RGS21: variants seen among roughly 807,000 people sequenced by gnomAD.
The protein encoded by RGS21 is regulator of G protein signaling 21, also known as regulator of G-protein signalling 21.
RGS21 carries 19 observed loss-of-function variants against 18.7 expected under a neutral mutation model. The observed-to-expected ratio is 1.01, with a 90% CI of 0.71 to 1.49. The LOEUF is 1.49. Ranked by LOEUF, RGS21 falls within the 40% of genes most tolerant of loss-of-function variation. The pLI is 0.00. For missense variants in RGS21, 194 were observed against 176.8 expected, an observed-to-expected ratio of 1.10 and a Z score of -0.55; for synonymous variants, 56 against 57.8, an observed-to-expected ratio of 0.97 and a Z score of 0.14.
intron 4 of RGS21, among the ~76,000 whole-genome samples, chr1:192,354,741 T>C (rs207460901): frequency 2.0e-5 from 3 of 151,452 alleles, no homozygotes; most frequent in Non-Finnish European, 4.4e-5. Context: ...ACCAGTTTCC[T>C]TGGTAAAATA....
chr1:192,357,028 C>T (rs1342810133), intron 4 of RGS21, among the ~76,000 whole-genome samples: 1 of 151,746 alleles, frequency 6.6e-6, no homozygotes, highest in African/African-American at 2.4e-5. Context: ...GGTAGAAAGA[C>T]ACCAGATAAA....
At chr1:192,344,150 A>G (rs1220023300) in intron 2 of RGS21, among the ~76,000 whole-genome samples, 1 of 152,008 alleles carries the variant, frequency 6.6e-6, no homozygotes, top group African/African-American at 2.4e-5. Flanking sequence ...GTAAGCTTTC[A>G]GTTGAGCAGC....
At chr1:192,364,804 A>T (rs1571465948) in intron 4 of RGS21, among the ~76,000 whole-genome samples, 1 of 152,030 alleles carries the variant, frequency 6.6e-6, no homozygotes, top group South Asian at 2.1e-4. Context: ...CAGATACAGA[A>T]CCCGCCTATG....
At chr1:192,341,904 T>C (rs781217328) in intron 1 of RGS21, among the ~76,000 whole-genome samples, 5 of 152,036 alleles carry the variant, frequency 3.3e-5, no homozygotes, top group Non-Finnish European at 7.4e-5. Flanking sequence ...ATATGTTTAA[T>C]GATTCAGTTT....
At chr1:192,333,261 T>C (rs1227946538) in intron 1 of RGS21, among the ~76,000 whole-genome samples, 2 of 122,508 alleles carry the variant, frequency 1.6e-5, no homozygotes, top group African/African-American at 3.6e-5. Flanking sequence ...ATTTGGCAGT[T>C]TCTTAAATAC....
chr1:192,332,061 G>T (rs1658665475), intron 1 of RGS21, among the ~76,000 whole-genome samples: 2 of 152,126 alleles, frequency 1.3e-5, no homozygotes, highest in East Asian at 3.9e-4. Context: ...TAAAATTCAG[G>T]ATGTTCATAA....
At chr1:192,339,213 G>A (rs61822892) in intron 1 of RGS21, among the ~76,000 whole-genome samples, 5 of 143,710 alleles carry the variant, frequency 3.5e-5, no homozygotes, top group Middle Eastern at 3.5e-3. Flanking sequence ...CAATCAAATC[G>A]GCATTTTTTT....
intron 4 of RGS21, among the ~76,000 whole-genome samples, chr1:192,355,884 A>G (rs1446969582): frequency 6.6e-6 from 1 of 151,492 alleles, no homozygotes; most frequent in Non-Finnish European, 1.5e-5. Flanking sequence ...AAAATATGTC[A>G]TTAAAGAGAA....
intron 1 of RGS21, among the ~76,000 whole-genome samples, chr1:192,330,738 G>T (rs749311302): frequency 6.6e-6 from 1 of 152,186 alleles, no homozygotes; most frequent in Non-Finnish European, 1.5e-5. Flanking sequence ...AGATAAATGT[G>T]AGCGATATCT....
rs1658995578 is a variant in RGS21, at chr1:192,348,989, G to A, written c.88+1600G>A. Reference sequence around the variant, plus strand: ...ATAATTAGAAAGTATAAACATCAAAGGATCCACGTAACTTCCAGAATCCAC... The same window carrying A: ...ATAATTAGAAAGTATAAACATCAAAAGATCCACGTAACTTCCAGAATCCAC... On this transcript the variant is annotated intron_variant, in intron 3 of 4. Coordinates refer to ENST00000417209, the MANE Select transcript of RGS21 (RefSeq NM_001039152.3). 1.3e-5 allele frequency among the ~76,000 whole-genome samples: 2 copies of A among 151,802 alleles called. 1 individual carries two copies. The highest frequency in any genetic ancestry group is 4.8e-5 in the African/African-American group (2 of 41,284).
chr1:192,352,005 C>A, intron 3 of RGS21, 42 bp from the exon 4 acceptor site: 1 of 1,242,854 alleles, frequency 8.0e-7, no homozygotes, highest in South Asian at 1.5e-5. Context: ...TATTACTACT[C>A]TGTATGCTAT....
chr1:192,356,986 A>T (rs150394675), intron 4 of RGS21, among the ~76,000 whole-genome samples: 3 of 151,820 alleles, frequency 2.0e-5, no homozygotes, highest in African/African-American at 7.2e-5. Flanking sequence ...AAAGACAGTC[A>T]TGGTCCCTGA....
rs758240441 is a variant in RGS21, at chr1:192,366,146, C to T, written c.*22C>T. On this transcript the variant is annotated 3_prime_UTR_variant, in exon 5 of 5. Coordinates refer to ENST00000417209, the MANE Select transcript of RGS21 (RefSeq NM_001039152.3). ...GTGAGGAAGGTAAAAGTTAACTAAT[C>T]ACTATACTTCAGGGCTACAATATTT... 1.6e-5 allele frequency: 13 copies of T among 828,870 alleles called. No homozygotes were observed. Among genetic ancestry groups the T allele is most frequent in the Non-Finnish European group, 2.3e-5 (12 of 527,886 alleles). The allele number at this position is 828,870 out of a possible 1,614,324, so 51.3% of individuals were successfully genotyped here.
chr1:192,339,969 C>T (rs1371301939), intron 1 of RGS21, among the ~76,000 whole-genome samples: 2 of 151,874 alleles, frequency 1.3e-5, no homozygotes, highest in Non-Finnish European at 2.9e-5. Context: ...TATGTATGTA[C>T]ATAATTGTTA....
At chr1:192,321,815 A>G (rs925005471) in intron 1 of RGS21, among the ~76,000 whole-genome samples, 2 of 152,022 alleles carry the variant, frequency 1.3e-5, no homozygotes, top group Non-Finnish European at 1.5e-5. Context: ...TTTATTTTTA[A>G]TACTTGAAAT....
At position 192,366,842 on chromosome 1, in the gene RGS21, G is replaced by T. The variant is rs1282327518; in HGVS notation, c.*718G>T. 1 of 151,972 alleles carries T rather than the reference G, an allele frequency of 6.6e-6. No homozygotes were observed. The highest frequency in any genetic ancestry group is 1.5e-5 in the Non-Finnish European group (1 of 67,956). 9.4% of individuals were successfully genotyped at this position (151,972 alleles called of 1,614,324 possible). Reference sequence around the variant, plus strand: ...ATAAAAGAAAGTGGAAGACTAAGGAGCATAGATAAATCCTTATAAGATGAA... The same window carrying T: ...ATAAAAGAAAGTGGAAGACTAAGGATCATAGATAAATCCTTATAAGATGAA... On this transcript the variant is annotated 3_prime_UTR_variant, in exon 5 of 5. Coordinates refer to ENST00000417209, the MANE Select transcript of RGS21 (RefSeq NM_001039152.3).
At chr1:192,326,184 C>G (rs1016941154) in intron 1 of RGS21, among the ~76,000 whole-genome samples, 2 of 151,956 alleles carry the variant, frequency 1.3e-5, no homozygotes, top group Admixed American at 6.6e-5. Flanking sequence ...AAAGGTTTGA[C>G]ATGACTTTAA....
At chr1:192,356,763 A>G (rs534034107) in intron 4 of RGS21, among the ~76,000 whole-genome samples, 69 of 151,714 alleles carry the variant, frequency 4.5e-4, no homozygotes, top group African/African-American at 1.6e-3. Context: ...TTTTCTTTGC[A>G]TTTTTAAATA....
At chr1:192,335,868 G>A (rs1658759159) in intron 1 of RGS21, among the ~76,000 whole-genome samples, 1 of 152,054 alleles carries the variant, frequency 6.6e-6, no homozygotes, top group Admixed American at 6.5e-5. Context: ...GTCTGAGAGG[G>A]AAAACAAAAA....
Sources: allele counts gnomAD v4.1 joint callset (sites outside exome capture counted in the v4.1 genomes callset), GRCh38; gene constraint gnomAD v4.1.1; transcripts MANE v1.5; gene names NCBI Gene and HGNC (gene_info 2026-07-23, HGNC 2026-07-21).